Variants in CXCL14 observed in about 807,000 individuals in gnomAD.
CXCL14 encodes the protein C-X-C motif chemokine ligand 14.
In CXCL14, 9 loss-of-function variants were observed where a neutral mutation model predicts 16.1. That is an observed-to-expected ratio of 0.56 (90% CI 0.34 to 0.97). CXCL14 has a LOEUF of 0.97. Ranked by LOEUF, CXCL14 falls within the 50% of genes least tolerant of loss-of-function variation. CXCL14 has a pLI of 0.02. For synonymous variants in CXCL14, 55 were observed against 52.8 expected (o/e 1.04, Z -0.18); for missense variants, 111 against 132.5 (o/e 0.84, Z 0.80).
At chr5:135,575,963 A>G (rs1394225435) in intron 2 of CXCL14, among the ~76,000 whole-genome samples, 1 of 152,220 alleles carries the variant, frequency 6.6e-6, no homozygotes, top group Non-Finnish European at 1.5e-5. Flanking sequence ...CATGGCTTAT[A>G]TGGGCTAAGT....
In CXCL14 at chr5:135,578,933, GC is replaced by G; in HGVS notation, c.-156del. On this transcript the variant is annotated 5_prime_UTR_variant, in exon 1 of 4. Transcript: ENST00000512158. ...GGCTCCGGCTGCGCCGTCGGTGGAT[GC>G]CCAGGGCTGTCTGTGGCCGTGCGCT... 1.3e-6 allele frequency: 1 copy of G among 759,058 alleles called. No homozygotes were observed. The highest frequency in any genetic ancestry group is 2.0e-6 in the Non-Finnish European group (1 of 505,782). The allele number at this position is 759,058 out of a possible 1,614,324, so 47.0% of individuals were successfully genotyped here. A position where few individuals can be genotyped will look rare whatever the true frequency, so the allele number is the denominator to read the frequency against.
At chr5:135,572,711 C>T (rs529202254) in intron 3 of CXCL14, among the ~76,000 whole-genome samples, 1 of 152,234 alleles carries the variant, frequency 6.6e-6, no homozygotes, top group Admixed American at 6.5e-5. Flanking sequence ...CTGTGGTGGC[C>T]AGAAGCTCCC....
rs1366333997 is a variant in CXCL14, at chr5:135,578,739, CCAG to C, written c.37_39del (p.Leu13del). ...CCGTCCACACGCGCGGTGTACAGCG[CCAG>C]CAGCAGCAGGAGCAGCGCGGCCGCC... On this transcript the variant is annotated inframe_deletion, in exon 1 of 4. Coordinates refer to ENST00000512158, the MANE Select transcript of CXCL14 (RefSeq NM_004887.5). 2 of 1,547,156 alleles carry C rather than the reference CCAG, an allele frequency of 1.3e-6. No individual in the cohort carries two copies. Among genetic ancestry groups the C allele is most frequent in the Non-Finnish European group, 1.7e-6 (2 of 1,146,152 alleles).
At chr5:135,574,104 A>G (rs1471215199) in intron 3 of CXCL14, among the ~76,000 whole-genome samples, 2 of 152,162 alleles carry the variant, frequency 1.3e-5, no homozygotes, top group Admixed American at 6.5e-5. Context: ...AGAAGAAAAC[A>G]TGTTTCTGGC....
chr5:135,571,997 C>A, intron 3 of CXCL14, 129 bp from the exon 4 acceptor site: 1 of 869,530 alleles, frequency 1.2e-6, no homozygotes, highest in South Asian at 1.6e-5. Flanking sequence ...GCAGGAACCC[C>A]CAGGAGAAGT....
chr5:135,578,560 A>G, intron 1 of CXCL14, 21 bp from the exon 2 acceptor site: 1 of 1,611,908 alleles, frequency 6.2e-7, no homozygotes, highest in Non-Finnish European at 8.5e-7. Context: ...GCGCGGGGCA[A>G]CGGCTTAGTT....
At chr5:135,573,993 T>C (rs759102051) in intron 3 of CXCL14, among the ~76,000 whole-genome samples, 1 of 152,224 alleles carries the variant, frequency 6.6e-6, no homozygotes, top group Non-Finnish European at 1.5e-5. Context: ...TGGTTAACAG[T>C]GGCTCTGATT....
chr5:135,576,424 T>C (rs1751099981), intron 2 of CXCL14, among the ~76,000 whole-genome samples: 1 of 152,192 alleles, frequency 6.6e-6, no homozygotes, highest in African/African-American at 2.4e-5. Context: ...TCCCAAATCC[T>C]GAAGGTCAGG....
At position 135,578,877 on chromosome 5, in the gene CXCL14, C is replaced by G; in HGVS notation, c.-99G>C. 7.7e-7 allele frequency: 1 copy of G among 1,306,902 alleles called. No individual in the cohort carries two copies. The highest frequency in any genetic ancestry group is 1.0e-6 in the Non-Finnish European group (1 of 997,134). The allele number at this position is 1,306,902 out of a possible 1,614,324, so 81.0% of individuals were successfully genotyped here. A position where few individuals can be genotyped will look rare whatever the true frequency, so the allele number is the denominator to read the frequency against. ...ACGCCACCCAGCTCTGCTCGGCTTT[C>G]TCTGCCCGGGGCGCGCCTTCCGGCT... On this transcript the variant is annotated 5_prime_UTR_variant, in exon 1 of 4. Transcript: ENST00000512158.
At position 135,572,197 on chromosome 5, in the gene CXCL14, C is replaced by T. The variant is rs536376269; in HGVS notation, c.285-329G>A. 2.2e-4 allele frequency among the ~76,000 whole-genome samples: 33 copies of T among 152,290 alleles called. No homozygotes were observed. The South Asian group carries it at 2.3e-3, about 11-fold the overall frequency. ...GACTTAAGATTTGCCCAGTGGCCAC[C>T]GACTGTTAGTGGCAGGAATGTAGTC... On this transcript the variant is annotated intron_variant, in intron 3 of 3. Coordinates refer to ENST00000512158, the MANE Select transcript of CXCL14 (RefSeq NM_004887.5).
intron 2 of CXCL14, among the ~76,000 whole-genome samples, chr5:135,578,043 G>A (rs1324175891): frequency 6.6e-6 from 1 of 152,214 alleles, no homozygotes; most frequent in African/African-American, 2.4e-5. Context: ...CCAGTGACAG[G>A]AAGGCAGCAC....
intron 2 of CXCL14, among the ~76,000 whole-genome samples, chr5:135,575,087 C>T (rs1751079412): frequency 6.6e-6 from 1 of 152,168 alleles, no homozygotes; most frequent in Non-Finnish European, 1.5e-5. Flanking sequence ...CTAATGCCAG[C>T]AAGGTGCACA....
chr5:135,577,715 GC>G (rs1751129138), intron 2 of CXCL14, among the ~76,000 whole-genome samples: 1 of 152,214 alleles, frequency 6.6e-6, no homozygotes, highest in African/African-American at 2.4e-5. Flanking sequence ...AGCGGTGCTG[GC>G]CTCAAGTGGT....
intron 2 of CXCL14, among the ~76,000 whole-genome samples, chr5:135,575,907 G>A (rs1405090360): frequency 2.0e-5 from 3 of 152,176 alleles, no homozygotes; most frequent in Non-Finnish European, 4.4e-5. Context: ...GAGAAGAGAG[G>A]GACAGAGGTC....
At chr5:135,571,957 G>C in intron 3 of CXCL14, 89 bp from the exon 4 acceptor site, 1 of 1,346,924 alleles carries the variant, frequency 7.4e-7, no homozygotes, top group East Asian at 2.3e-5. Flanking sequence ...TTCACGTCTG[G>C]TCTGCAGGGA....
At chr5:135,574,448 T>A (rs1248910122) in intron 3 of CXCL14, 124 bp downstream of exon 3, 1 of 698,286 alleles carries the variant, frequency 1.4e-6, no homozygotes, top group East Asian at 2.7e-5. Context: ...CTGTTTGCTG[T>A]GGATGTTGTG....
Position 135,578,473 on chromosome 5 carries a change from A to T in CXCL14, c.131T>A (p.Met44Lys). Reference sequence around the variant, plus strand: ...CTCGCAGTGCGGGTACTTTGGCTTCATTTCCAGCTTCTTCACGTCGCTGTA... The same window carrying T: ...CTCGCAGTGCGGGTACTTTGGCTTCTTTTCCAGCTTCTTCACGTCGCTGTA... ...IRYSDVKKLE[M>K]KPKYPHCEEK... Residue 44 changes from methionine to lysine, a missense_variant, in exon 2 of 4, where the codon ATG (methionine) becomes AAG (lysine). Physicochemically the swap from Met to Lys is moderately conservative, Grantham distance 95. Transcript: ENST00000512158. 4.3e-6 allele frequency: 7 copies of T among 1,614,162 alleles called. No homozygotes were observed. The highest frequency in any genetic ancestry group is 5.9e-6 in the Non-Finnish European group (7 of 1,180,028).
chr5:135,574,124 C>T (rs547255713), intron 3 of CXCL14, among the ~76,000 whole-genome samples: 53 of 152,350 alleles, frequency 3.5e-4, no homozygotes, highest in South Asian at 1.7e-3. Context: ...CAAGGATCAT[C>T]CTCAGCACCT....
chr5:135,578,409 C>A (rs1383234040), intron 2 of CXCL14, 25 bp downstream of exon 2: 3 of 1,600,718 alleles, frequency 1.9e-6, no homozygotes, highest in Non-Finnish European at 2.6e-6. Context: ...TGCGCACCCC[C>A]TCAAGGTGAG....
Sources: gnomAD v4.1 joint callset for allele counts (sites outside exome capture counted in the v4.1 genomes callset) on GRCh38, gnomAD v4.1.1 for gene constraint, MANE v1.5 for transcripts, NCBI Gene and HGNC (gene_info 2026-07-23, HGNC 2026-07-21) for gene names.